The following APP variants were observed in gnomAD, a reference collection of about 807,000 sequenced individuals.
APP encodes amyloid beta precursor protein, also known as amyloid-beta precursor protein.
APP carries 31 observed loss-of-function variants against 101.4 expected under a neutral mutation model. The ratio of observed to expected loss-of-function variants is 0.31; its 90% CI spans 0.23 to 0.41. APP has a LOEUF of 0.41. APP is among the 10% of genes least tolerant of loss of function. The pLI is 1.00. For missense variants in APP, 839 were observed against 1,003.7 expected, an observed-to-expected ratio of 0.84 and a Z score of 2.22; for synonymous variants, 366 against 364.4, an observed-to-expected ratio of 1.00 and a Z score of -0.05.
chr21:25,893,965 C>T (rs2037860887), intron 16 of APP, among the ~76,000 whole-genome samples: 1 of 152,154 alleles, frequency 6.6e-6, no homozygotes, highest in Non-Finnish European at 1.5e-5. Flanking sequence ...ATGCAGCTGG[C>T]GACTTTGTTT....
intron 15 of APP, among the ~76,000 whole-genome samples, 155 bp downstream of exon 15, chr21:25,904,869 A>C (rs1253639962): frequency 1.3e-5 from 2 of 152,196 alleles, no homozygotes; most frequent in East Asian, 3.8e-4. Context: ...AGGAATAGTC[A>C]AGGGGAATTT....
chr21:26,103,057 T>C (rs951991235), intron 2 of APP, among the ~76,000 whole-genome samples: 1 of 152,166 alleles, frequency 6.6e-6, no homozygotes, highest in Non-Finnish European at 1.5e-5. Context: ...AACAGTCTAC[T>C]GTGGTCATCT....
At chr21:26,081,801 G>T (rs2061604573) in intron 3 of APP, among the ~76,000 whole-genome samples, 1 of 152,098 alleles carries the variant, frequency 6.6e-6, no homozygotes, top group Admixed American at 6.5e-5. Flanking sequence ...GGTATTTTGG[G>T]TATCTGAAAC....
chr21:25,956,845 C>T lies in APP; in HGVS notation c.1459-1090G>A, dbSNP rs187045846. ...CATCTCCCTGCCATCTCAGGTGGAA[C>T]GAGGTACCCTTTTTCTGTGCTCCTA... On this transcript the variant is annotated intron_variant, in intron 11 of 17. Coordinates refer to ENST00000346798, the MANE Select transcript of APP (RefSeq NM_000484.4). 6.9e-3 allele frequency among the ~76,000 whole-genome samples: 1,045 copies of T among 152,260 alleles called. 8 individuals are homozygous for T. Among genetic ancestry groups the T allele is most frequent in the Non-Finnish European group, 0.011 (735 of 68,018 alleles).
chr21:26,089,777 G>C (rs112131586), intron 3 of APP, 166 bp downstream of exon 3: 2 of 966,224 alleles, frequency 2.1e-6, no homozygotes, highest in African/African-American at 3.2e-5. Flanking sequence ...GCTCCTATAG[G>C]GTCAGTGCAC....
chr21:25,897,260 T>TCACC (rs2038123400), intron 16 of APP, among the ~76,000 whole-genome samples: 1 of 152,012 alleles, frequency 6.6e-6, no homozygotes, highest in African/African-American at 2.4e-5. Flanking sequence ...CTACAGGTGT[T>TCACC]TGCCACCACA....
At chr21:26,032,805 A>AAATATATATAT in intron 5 of APP, among the ~76,000 whole-genome samples, 1 of 124,474 alleles carries the variant, frequency 8.0e-6, no homozygotes, top group East Asian at 2.2e-4. Flanking sequence ...AAAAAAAAAA[A>AAATATATATAT]ATATATATAT....
rs2061789341 is a variant in APP at position 26,090,002 on chromosome 21, T to C, written c.296A>G (p.Lys99Arg). The change falls in exon 3 of 18, where the codon AAG becomes AGG. Residue 99 changes from lysine (K) to arginine (R), a missense_variant. By Grantham distance (26) the Lys-to-Arg change is conservative. Coordinates refer to ENST00000346798, the MANE Select transcript of APP (RefSeq NM_000484.4). ...NQPVTIQNWC[K>R]RGRKQCKTHP... ...GGTCTTGCACTGCTTGCGGCCCCGC[T>C]TGCACCAGTTCTGGATGGTCACTGG... is the stretch of plus-strand genomic sequence containing the variant. The C allele has an allele frequency of 1.2e-6, 2 of 1,614,190 alleles. No homozygotes were observed. Among genetic ancestry groups the C allele is most frequent in the African/African-American group, 1.3e-5 (1 of 75,042 alleles).
intron 1 of APP, among the ~76,000 whole-genome samples, chr21:26,159,717 TA>T (rs1309070166): frequency 6.6e-6 from 1 of 152,218 alleles, no homozygotes; most frequent in Non-Finnish European, 1.5e-5. Context: ...AAGACACTAA[TA>T]TTTTTTTCTC....
At chr21:25,901,270 C>T (rs1410083004) in intron 15 of APP, among the ~76,000 whole-genome samples, 1 of 142,806 alleles carries the variant, frequency 7.0e-6, no homozygotes, top group Non-Finnish European at 1.5e-5. Context: ...TGTTCTCCAG[C>T]CTGGAAACAG....
At chr21:26,101,148 G>T (rs1164637673) in intron 2 of APP, among the ~76,000 whole-genome samples, 1 of 141,620 alleles carries the variant, frequency 7.1e-6, no homozygotes, top group African/African-American at 2.7e-5. Context: ...TCGCCAGGCT[G>T]GAGTGCAGTG....
chr21:25,995,400 C>A (rs1568826209), intron 8 of APP, among the ~76,000 whole-genome samples: 2 of 151,654 alleles, frequency 1.3e-5, no homozygotes. Flanking sequence ...TTTCACTAAC[C>A]GGCAAAACAA....
chr21:25,895,009 T>G (rs1212202996), intron 16 of APP, among the ~76,000 whole-genome samples: 1 of 152,080 alleles, frequency 6.6e-6, no homozygotes, highest in African/African-American at 2.4e-5. Context: ...AAGGCAAGAT[T>G]CTCCACGAGC....
intron 2 of APP, among the ~76,000 whole-genome samples, chr21:26,105,475 T>A (rs1307446027): frequency 1.3e-5 from 2 of 151,956 alleles, no homozygotes; most frequent in Non-Finnish European, 2.9e-5. Flanking sequence ...TTCCTTGCCG[T>A]TCCTAGCAAT....
chr21:25,900,216 GCTCA>G, intron 15 of APP, among the ~76,000 whole-genome samples: 1 of 151,854 alleles, frequency 6.6e-6, no homozygotes, highest in South Asian at 2.1e-4. Flanking sequence ...TTTCTTTAGA[GCTCA>G]CTCCTTTTCT....
intron 5 of APP, among the ~76,000 whole-genome samples, chr21:26,034,052 C>T (rs1451820362): frequency 6.6e-6 from 1 of 152,184 alleles, no homozygotes; most frequent in East Asian, 1.9e-4. Context: ...TTTTCTATTT[C>T]CATTAAATAA....
At chr21:25,908,789 T>C (rs1569039875) in intron 14 of APP, among the ~76,000 whole-genome samples, 1 of 152,020 alleles carries the variant, frequency 6.6e-6, no homozygotes, top group Admixed American at 6.6e-5. Flanking sequence ...ACTATACCTC[T>C]GAGTTAGGAA....
At chr21:25,945,675 C>T in intron 13 of APP, 2 of 328,354 alleles carry the variant, frequency 6.1e-6, no homozygotes, top group Admixed American at 4.4e-5. Context: ...AGTGCCAAGA[C>T]CATTCAATGG....
intron 6 of APP, among the ~76,000 whole-genome samples, chr21:26,019,053 T>C (rs905963472): frequency 6.6e-6 from 1 of 152,262 alleles, no homozygotes; most frequent in African/African-American, 2.4e-5. Flanking sequence ...CCTAAGTTTA[T>C]GTGGCATCCT....
Sources: allele counts gnomAD v4.1 joint callset (sites outside exome capture counted in the v4.1 genomes callset), GRCh38; gene constraint gnomAD v4.1.1; transcripts MANE v1.5; gene names NCBI Gene and HGNC (gene_info 2026-07-23, HGNC 2026-07-21).